DOP1B: variants seen among roughly 807,000 people sequenced by gnomAD.
DOP1B encodes the protein DOP1 leucine zipper like protein B, also known as protein DOP1B.
Under a neutral mutation model 233.5 loss-of-function variants are expected in DOP1B, and 174 were observed. The observed-to-expected ratio is 0.75, with a 90% confidence interval of 0.66 to 0.85. The LOEUF is 0.85. DOP1B is among the 40% of genes least tolerant of loss of function. DOP1B has a pLI of 0.00. For missense variants in DOP1B, 2,652 were observed against 2,846.6 expected (o/e 0.93, Z 1.56); for synonymous variants, 1,190 against 1,185.6 (o/e 1.00, Z -0.08).
At chr21:36,266,075 C>G (rs1737979918) in intron 26 of DOP1B, among the ~76,000 whole-genome samples, 3 of 152,210 alleles carry the variant, frequency 2.0e-5, no homozygotes, top group Admixed American at 2.0e-4. Flanking sequence ...TTTTGACAGA[C>G]CAGCTCTAAA....
chr21:36,269,322 A>AT (rs2067261637), intron 26 of DOP1B, among the ~76,000 whole-genome samples: 1 of 151,206 alleles, frequency 6.6e-6, no homozygotes. Flanking sequence ...CACCCACCTA[A>AT]TTTTGTATTC....
Position 36,214,452 on chromosome 21 carries a change from A to T in DOP1B, c.1025A>T (p.Glu342Val). 2 of 1,612,410 alleles carry T rather than the reference A, an allele frequency of 1.2e-6. No homozygotes were observed. Among genetic ancestry groups the T allele is most frequent in the Non-Finnish European group, 1.7e-6 (2 of 1,179,582 alleles). Residue 342 changes from glutamate to valine, a missense_variant, in exon 9 of 37, where the codon GAG becomes GTG. Physicochemically the swap from Glu to Val is moderately radical, Grantham distance 121 (BLOSUM62 -2). Coordinates refer to ENST00000691173, the MANE Select transcript of DOP1B (RefSeq NM_001320714.2). ...TTTTTTAAATAATAGGGTTTGGCTG[A>T]GATATTGCATCAGAAGTTCATAGAT... ...SKDLLVEGLAEILHQKFIDAD... is the reference protein window; with the variant it reads ...SKDLLVEGLAVILHQKFIDAD...
chr21:36,279,457 C>G (rs1439232989), intron 30 of DOP1B, among the ~76,000 whole-genome samples: 1 of 152,070 alleles, frequency 6.6e-6, no homozygotes, highest in East Asian at 1.9e-4. Flanking sequence ...GAAAGCCACT[C>G]CTTTATTAAT....
chr21:36,203,665 C>T (rs561509974), intron 4 of DOP1B, among the ~76,000 whole-genome samples: 25 of 152,006 alleles, frequency 1.6e-4, no homozygotes, highest in African/African-American at 5.3e-4. Context: ...ATGATGAGCA[C>T]GTGGGTAGAA....
Position 36,200,424 on chromosome 21 carries a change from G to A in DOP1B, c.414G>A (p.Lys138=), listed in dbSNP as rs2066348783. 1.9e-6 allele frequency: 3 copies of A among 1,613,542 alleles called. No homozygotes were observed. The highest frequency in any genetic ancestry group is 1.7e-6 in the Non-Finnish European group (2 of 1,180,024). ...LYEKYFLPLQ[K]LLLPSLQAFI... ...AGAAGTACTTCCTCCCACTGCAGAA[G>A]CTGCTCCTGCCCAGTCTGCAGGCCT... The change falls in exon 4 of 37, where the codon AAG becomes AAA. Residue 138 remains lysine (K), a synonymous_variant. Transcript: ENST00000691173.
At chr21:36,284,562 C>G (rs1271651541) in intron 32 of DOP1B, among the ~76,000 whole-genome samples, 1 of 152,072 alleles carries the variant, frequency 6.6e-6, no homozygotes, top group Non-Finnish European at 1.5e-5. Context: ...AGCCACTGCG[C>G]CCAGCCCTGT....
At chr21:36,188,712 G>A (rs141526622) in intron 2 of DOP1B, among the ~76,000 whole-genome samples, 146 of 152,276 alleles carry the variant, frequency 9.6e-4, no homozygotes, top group Non-Finnish European at 1.7e-3. Context: ...GGTGGGAGAC[G>A]TGCTTTTAAA....
chr21:36,241,253 C>G (rs1336418799), intron 18 of DOP1B, among the ~76,000 whole-genome samples: 1 of 151,662 alleles, frequency 6.6e-6, no homozygotes, highest in African/African-American at 2.4e-5. Flanking sequence ...AAGATCACAC[C>G]ACTGCACTCC....
intron 16 of DOP1B, 53 bp downstream of exon 16, chr21:36,237,467 A>G (rs1319437621): frequency 1.4e-5 from 23 of 1,602,594 alleles, no homozygotes; most frequent in East Asian, 2.2e-5. Flanking sequence ...CCCCTGCTGT[A>G]CGTGCCCTTA....
At chr21:36,202,077 C>T (rs951078439) in intron 4 of DOP1B, among the ~76,000 whole-genome samples, 2 of 152,068 alleles carry the variant, frequency 1.3e-5, no homozygotes, top group African/African-American at 4.8e-5. Flanking sequence ...ATCCCAGCTA[C>T]TTGGGAGGCT....
intron 2 of DOP1B, chr21:36,169,069 G>T: frequency 1.1e-6 from 1 of 877,032 alleles, no homozygotes; most frequent in Non-Finnish European, 1.9e-6. Flanking sequence ...CAAACTTGGA[G>T]GTGGTGTCAG....
At chr21:36,175,299 T>G (rs1032947863) in intron 2 of DOP1B, among the ~76,000 whole-genome samples, 43 of 151,838 alleles carry the variant, frequency 2.8e-4, no homozygotes, top group African/African-American at 9.4e-4. Flanking sequence ...TTAGTAGAGA[T>G]GTGGTTTCAC....
In DOP1B at chr21:36,274,414, G is replaced by T. The variant is rs1189172250; in HGVS notation, c.5633-2607G>T. On this transcript the variant is annotated intron_variant, in intron 27 of 36. Coordinates refer to ENST00000691173, the MANE Select transcript of DOP1B (RefSeq NM_001320714.2). ...GTTTTTGGCTTAAGCAATTTACCAA[G>T]GTGGAAAAAACAGAAGAAAAAACAT... Among the ~76,000 whole-genome samples, 4 of 152,130 alleles carry T rather than the reference G, an allele frequency of 2.6e-5. No homozygotes were observed. In the East Asian group the frequency reaches 7.7e-4, roughly 29 times the overall value.
intron 2 of DOP1B, among the ~76,000 whole-genome samples, chr21:36,191,336 C>T (rs2066232397): frequency 6.6e-6 from 1 of 151,788 alleles, no homozygotes; most frequent in African/African-American, 2.4e-5. Flanking sequence ...GTTTGCAAGC[C>T]CTAGAAGGTA....
intron 9 of DOP1B, among the ~76,000 whole-genome samples, chr21:36,217,799 G>A (rs1366382325): frequency 2.0e-5 from 3 of 152,126 alleles, no homozygotes; most frequent in Non-Finnish European, 4.4e-5. Context: ...TCCAAAAAGT[G>A]GAACACTTAT....
chr21:36,237,598 C>G (rs1303769709), intron 16 of DOP1B, among the ~76,000 whole-genome samples, 184 bp downstream of exon 16: 1 of 152,208 alleles, frequency 6.6e-6, no homozygotes, highest in Non-Finnish European at 1.5e-5. Flanking sequence ...ATGAGCCATT[C>G]TTTTTACAGC....
At position 36,223,256 on chromosome 21, in the gene DOP1B, T is replaced by C. The variant is rs1569031153; in HGVS notation, c.1276T>C (p.Ser426Pro). 1.9e-6 allele frequency: 3 copies of C among 1,608,042 alleles called. No homozygotes were observed. The highest frequency in any genetic ancestry group is 2.5e-6 in the Non-Finnish European group (3 of 1,178,530). ...ISAIKENRNA[S>P]EIVKTVNLLI... Reference sequence around the variant, plus strand: ...TGCAATCAAGGAAAACAGAAATGCCTCTGAGATTGTCAAAACGGTAAATTT... The same window carrying C: ...TGCAATCAAGGAAAACAGAAATGCCCCTGAGATTGTCAAAACGGTAAATTT... Residue 426 changes from serine (S) to proline (P), a missense_variant, in exon 11 of 37, where the codon TCT (serine) becomes CCT (proline). Coordinates refer to ENST00000691173, the MANE Select transcript of DOP1B (RefSeq NM_001320714.2).
Position 36,271,071 on chromosome 21 carries a change from T to A in DOP1B, c.5632+914T>A, listed in dbSNP as rs957313987. On this transcript the variant is annotated intron_variant, in intron 27 of 36. Coordinates refer to ENST00000691173, the MANE Select transcript of DOP1B (RefSeq NM_001320714.2). ...TTATAACCTGAAATGTATACCAGTT[T>A]TATTTGTCAGTTATATCTAATTAAA... Among the ~76,000 whole-genome samples, 3 of 151,712 alleles carry A rather than the reference T, an allele frequency of 2.0e-5. No individual in the cohort carries two copies. The South Asian group carries it at 6.2e-4, about 31-fold the overall frequency.
chr21:36,212,300 A>C (rs2239569), intron 7 of DOP1B, among the ~76,000 whole-genome samples: 28,040 of 152,148 alleles, frequency 0.18, 2,779 homozygotes, highest in African/African-American at 0.25. Flanking sequence ...TTTTTTAAAA[A>C]AGGGGAAATA....
Sources: gnomAD v4.1 joint callset for allele counts (sites outside exome capture counted in the v4.1 genomes callset) on GRCh38, gnomAD v4.1.1 for gene constraint, MANE v1.5 for transcripts, NCBI Gene and HGNC (gene_info 2026-07-23, HGNC 2026-07-21) for gene names.